Variants in SBNO1 observed in about 807,000 individuals in gnomAD.
The protein encoded by SBNO1 is protein strawberry notch homolog 1.
SBNO1 carries 23 observed loss-of-function variants against 173.6 expected under a neutral mutation model. The observed-to-expected ratio is 0.13, with a 90% CI of 0.10 to 0.19. The LOEUF (loss-of-function observed/expected upper bound fraction) is 0.19. SBNO1 is among the 10% of genes least tolerant of loss of function. The pLI, the probability that SBNO1 is intolerant of heterozygous loss-of-function variation, is 1.00. For missense variants in SBNO1, 1,238 were observed against 1,671.2 expected (o/e 0.74, Z 4.52); for synonymous variants, 632 against 571.5 (o/e 1.11, Z -1.51).
intron 28 of SBNO1, 117 bp downstream of exon 28, chr12:123,309,193 C>G: frequency 1.4e-6 from 1 of 736,336 alleles, no homozygotes; most frequent in Non-Finnish European, 2.3e-6. Context: ...TGATAAATTA[C>G]CAAAATAGAC....
At chr12:123,343,012 T>C (rs1171312204) in intron 4 of SBNO1, among the ~76,000 whole-genome samples, 1 of 152,106 alleles carries the variant, frequency 6.6e-6, no homozygotes, top group Non-Finnish European at 1.5e-5. Flanking sequence ...GAGGCCGAGG[T>C]GGGCTGATCA....
intron 25 of SBNO1, among the ~76,000 whole-genome samples, chr12:123,310,760 C>G (rs1868384807): frequency 6.6e-6 from 1 of 151,882 alleles, no homozygotes. Flanking sequence ...GTTGCAAACT[C>G]CTGACCTTGT....
At chr12:123,360,678 C>T (rs376630931) in intron 1 of SBNO1, among the ~76,000 whole-genome samples, 1 of 151,928 alleles carries the variant, frequency 6.6e-6, no homozygotes, top group South Asian at 2.1e-4. Context: ...CTCCTCACCT[C>T]GTGATCCACC....
At chr12:123,352,322 C>G (rs1401079787) in intron 1 of SBNO1, among the ~76,000 whole-genome samples, 1 of 152,202 alleles carries the variant, frequency 6.6e-6, no homozygotes, top group Non-Finnish European at 1.5e-5. Context: ...AGAGTACGAT[C>G]AGCATGACTA....
intron 23 of SBNO1, 135 bp downstream of exon 23, chr12:123,315,237 AT>A: frequency 7.7e-6 from 5 of 647,484 alleles, no homozygotes; most frequent in Non-Finnish European, 1.4e-5. Context: ...ATTCTGTCTT[AT>A]AGGAAGCCAT....
chr12:123,304,742 T>C (rs371913659), intron 28 of SBNO1, 23 bp from the exon 29 acceptor site: 14 of 1,397,662 alleles, frequency 1.0e-5, no homozygotes, highest in African/African-American at 2.9e-5. Flanking sequence ...AATGACAAAA[T>C]ATAAAGATTT....
intron 1 of SBNO1, among the ~76,000 whole-genome samples, chr12:123,363,079 CTG>C (rs1250879494): frequency 6.6e-6 from 1 of 151,944 alleles, no homozygotes; most frequent in Non-Finnish European, 1.5e-5. Flanking sequence ...GAGTGGGACC[CTG>C]TCTCAAAAAT....
intron 7 of SBNO1, 94 bp downstream of exon 7, chr12:123,333,959 T>A (rs1871532148): frequency 1.3e-6 from 1 of 768,480 alleles, no homozygotes; most frequent in South Asian, 3.1e-5. Context: ...TTTACAAGGT[T>A]TTCATACAAG....
intron 16 of SBNO1, among the ~76,000 whole-genome samples, chr12:123,322,952 A>AT (rs1310885158): frequency 6.6e-6 from 1 of 152,144 alleles, no homozygotes; most frequent in Non-Finnish European, 1.5e-5. Flanking sequence ...CTGTCTATAT[A>AT]TTAAAGAACA....
Position 123,313,728 on chromosome 12 carries a change from A to C in SBNO1, c.3121-9T>G, listed in dbSNP as rs1868911705. 2.6e-6 allele frequency: 4 copies of C among 1,540,282 alleles called. No individual in the cohort carries two copies. Among genetic ancestry groups the C allele is most frequent in the Non-Finnish European group, 3.6e-6 (4 of 1,116,076 alleles). ...AAAGCATTTCTTCCATACTGCAAAAAAAAATCAAAACCTTTAACCAGTTTC... is the reference window on the plus strand; with the variant it reads ...AAAGCATTTCTTCCATACTGCAAAACAAAATCAAAACCTTTAACCAGTTTC... On this transcript the variant is annotated splice_polypyrimidine_tract_variant and intron_variant, in intron 23 of 31. Coordinates refer to ENST00000602398, the MANE Select transcript of SBNO1 (RefSeq NM_001167856.3).
At chr12:123,334,550 A>T (rs1871605333) in intron 6 of SBNO1, among the ~76,000 whole-genome samples, 1 of 152,112 alleles carries the variant, frequency 6.6e-6, no homozygotes, top group Admixed American at 6.5e-5. Context: ...TCTACTAAAA[A>T]TACAAAAATT....
chr12:123,311,437 G>A (rs942556038), intron 24 of SBNO1, among the ~76,000 whole-genome samples: 3 of 151,626 alleles, frequency 2.0e-5, no homozygotes, highest in Non-Finnish European at 4.4e-5. Context: ...CGCAGTGCGC[G>A]ATCTCAGCTC....
intron 1 of SBNO1, among the ~76,000 whole-genome samples, chr12:123,363,667 T>G (rs1456386953): frequency 6.6e-6 from 1 of 152,138 alleles, no homozygotes; most frequent in African/African-American, 2.4e-5. Context: ...AAACGTTGCT[T>G]TATTTGTCTC....
At chr12:123,329,825 T>TCC in intron 9 of SBNO1, among the ~76,000 whole-genome samples, 1 of 152,190 alleles carries the variant, frequency 6.6e-6, no homozygotes, top group Non-Finnish European at 1.5e-5. Context: ...ATCAGTCTAT[T>TCC]TTAACCTTAT....
chr12:123,363,869 A>C (rs1875714580), intron 1 of SBNO1: 1 of 985,536 alleles, frequency 1.0e-6, no homozygotes, highest in Admixed American at 6.2e-5. Context: ...TGCCAGGGTC[A>C]GGAAAGAAAC....
intron 30 of SBNO1, among the ~76,000 whole-genome samples, chr12:123,298,678 A>AT (rs1014583270): frequency 2.0e-5 from 3 of 151,960 alleles, no homozygotes; most frequent in Admixed American, 1.3e-4. Flanking sequence ...TAAAACCACG[A>AT]TTTTTTCAGG....
chr12:123,319,999 A>G lies in SBNO1; in HGVS notation c.2700T>C (p.Asn900=), dbSNP rs1288370836. Residue 900 remains asparagine (N), a synonymous_variant, in exon 20 of 32, where the codon AAT becomes AAC. Transcript: ENST00000602398. ...MTGRKGRVVS[N]DDGSISYESR... is the part of the protein sequence containing the mutation. ...ACTCATAAGATATGCTTCCATCATCATTGCTCACAACCCGTCCCTTGCGGC... is the reference window on the plus strand; with the variant it reads ...ACTCATAAGATATGCTTCCATCATCGTTGCTCACAACCCGTCCCTTGCGGC... The G allele has an allele frequency of 1.2e-6, 2 of 1,614,118 alleles. No individual in the cohort carries two copies. The highest frequency in any genetic ancestry group is 2.2e-5 in the South Asian group (2 of 91,076).
chr12:123,323,889 AG>A, intron 15 of SBNO1, 58 bp from the exon 16 acceptor site: 1 of 1,261,820 alleles, frequency 7.9e-7, no homozygotes, highest in Non-Finnish European at 1.1e-6. Flanking sequence ...TTATATGTAA[AG>A]TATTATTAAA....
Position 123,298,138 on chromosome 12 carries a change from T to C in SBNO1, c.3879A>G (p.Leu1293=), listed in dbSNP as rs193265996. 1.1e-5 allele frequency: 17 copies of C among 1,612,800 alleles called. No individual in the cohort carries two copies. In the Admixed American group the frequency reaches 2.2e-4, roughly 21 times the overall value. ...RGNCKKASLG[L]VCEIGLRCRT... is the part of the protein sequence containing the mutation. ...GGCAACGAAGACCTATTTCACAAAC[T>C]AGCCCCAAGCTTGCTTTTTTGCAAT... Residue 1293 remains leucine, a synonymous_variant, in exon 31 of 32, where the codon CTA becomes CTG. Transcript: ENST00000602398.
Sources: allele counts gnomAD v4.1 joint callset (sites outside exome capture counted in the v4.1 genomes callset), GRCh38; gene constraint gnomAD v4.1.1; transcripts MANE v1.5; gene names NCBI Gene and HGNC (gene_info 2026-07-23, HGNC 2026-07-21).